The following UNC13C variants were observed in gnomAD, a reference collection of about 807,000 sequenced individuals.
UNC13C encodes the protein unc-13 homolog C.
UNC13C carries 174 observed loss-of-function variants against 245.4 expected under a neutral mutation model. That is an observed-to-expected ratio of 0.71 (90% CI 0.63 to 0.80). The LOEUF (loss-of-function observed/expected upper bound fraction) is 0.80. Among genes scored for constraint, UNC13C ranks in the 30% least tolerant of loss-of-function variants. The probability of loss-of-function intolerance (pLI) is 0.00; values close to 1 mark genes in which losing one functional copy is unlikely to be tolerated. For synonymous variants in UNC13C, 992 were observed against 895.1 expected (o/e 1.11, Z -1.93); for missense variants, 2,829 against 2,602.9 (o/e 1.09, Z -1.89).
At position 54,465,269 on chromosome 15, in the gene UNC13C, C is replaced by T. The variant is rs368133088; in HGVS notation, c.4934-29339C>T. Among the ~76,000 whole-genome samples, 7 of 152,010 alleles carry T rather than the reference C, an allele frequency of 4.6e-5. No homozygotes were observed. The East Asian group carries it at 1.3e-3, about 29-fold the overall frequency. On this transcript the variant is annotated intron_variant, in intron 19 of 32. Transcript: ENST00000260323. Reference sequence around the variant, plus strand: ...TACCCTAATACAGTCAATCGATCATCAAGAATACACCAGAAAATACTTAAA... The same window carrying T: ...TACCCTAATACAGTCAATCGATCATTAAGAATACACCAGAAAATACTTAAA...
chr15:53,901,641 T>A, the UNC13C span, among the ~76,000 whole-genome samples: 2 of 152,316 alleles, frequency 1.3e-5, no homozygotes, highest in East Asian at 3.9e-4. Context: ...AATTAACATT[T>A]TTGTATATAA....
At chr15:53,901,655 C>T in the UNC13C span, among the ~76,000 whole-genome samples, 4 of 152,122 alleles carry the variant, frequency 2.6e-5, no homozygotes, top group African/African-American at 9.7e-5. Flanking sequence ...TATATAAACT[C>T]TGTCTTTATT....
the UNC13C span, among the ~76,000 whole-genome samples, chr15:53,859,571 G>A: frequency 3.9e-5 from 6 of 152,156 alleles, no homozygotes; most frequent in African/African-American, 1.4e-4. Context: ...TAAAAGGAAG[G>A]TTGTAATCTT....
chr15:54,044,578 G>T lies in UNC13C; in HGVS notation c.2983+28692G>T, dbSNP rs1896950845. On this transcript the variant is annotated intron_variant, in intron 2 of 32. Coordinates refer to ENST00000260323, the MANE Select transcript of UNC13C (RefSeq NM_001080534.3). ...CAGGCGGGGTGGGGGGTGTGGGGGA[G>T]TTCCACTTTCTCCACATTCTCACCA... The T allele has an allele frequency of 2.4e-5, 4 of 169,366 alleles. No individual in the cohort carries two copies. In the Middle Eastern group the frequency reaches 2.0e-3, roughly 87 times the overall value. The allele number at this position is 169,366 out of a possible 1,614,324, so 10.5% of individuals were successfully genotyped here.
intron 24 of UNC13C, among the ~76,000 whole-genome samples, chr15:54,514,359 T>C (rs1279692152): frequency 1.3e-5 from 2 of 152,234 alleles, no homozygotes; most frequent in African/African-American, 4.8e-5. Context: ...GAACTGGTTG[T>C]AAAACCTTTC....
intron 19 of UNC13C, among the ~76,000 whole-genome samples, chr15:54,476,982 C>A (rs199889049): frequency 0.28 from 28,412 of 103,118 alleles, 3,249 homozygotes; most frequent in East Asian, 0.45. Flanking sequence ...CTTTTATTTC[C>A]TTGAGCAGTG....
Position 54,393,084 on chromosome 15 carries a change from C to A in UNC13C, c.4750C>A (p.Pro1584Thr). Residue 1584 changes from proline to threonine, a missense_variant, in exon 18 of 33, where the codon CCA becomes ACA. Coordinates refer to ENST00000260323, the MANE Select transcript of UNC13C (RefSeq NM_001080534.3). Reference sequence around the variant, plus strand: ...GGATATTCCTCGTGAAGATCAGGGACCAACCACCAAGAATTTGGATTTTTG... The same window carrying A: ...GGATATTCCTCGTGAAGATCAGGGAACAACCACCAAGAATTTGGATTTTTG... ...KQDIPREDQG[P>T]TTKNLDFWPQ... The A allele has an allele frequency of 6.2e-7, 1 of 1,609,674 alleles. No homozygotes were observed. The highest frequency in any genetic ancestry group is 8.5e-7 in the Non-Finnish European group (1 of 1,177,984).
the UNC13C span, among the ~76,000 whole-genome samples, chr15:53,920,805 A>G: frequency 6.6e-6 from 1 of 150,572 alleles, no homozygotes; most frequent in African/African-American, 2.5e-5. Flanking sequence ...AGGGTAGAAC[A>G]GTGACCAAAA....
At chr15:54,079,187 T>C (rs1480134490) in intron 2 of UNC13C, among the ~76,000 whole-genome samples, 2 of 152,056 alleles carry the variant, frequency 1.3e-5, no homozygotes, top group African/African-American at 4.8e-5. Flanking sequence ...TTTCTGTACT[T>C]GTACGATGTT....
At chr15:54,589,544 G>A (rs1047455985) in intron 30 of UNC13C, among the ~76,000 whole-genome samples, 2 of 151,886 alleles carry the variant, frequency 1.3e-5, no homozygotes, top group Non-Finnish European at 2.9e-5. Flanking sequence ...CAATCCACCT[G>A]CCTCAGCCTC....
chr15:54,155,221 T>G (rs557634425), intron 4 of UNC13C, among the ~76,000 whole-genome samples: 23 of 152,322 alleles, frequency 1.5e-4, no homozygotes, highest in African/African-American at 5.5e-4. Context: ...CTGGAGGCTC[T>G]TTGGCTATTC....
At chr15:54,442,363 C>T (rs1161342980) in intron 19 of UNC13C, among the ~76,000 whole-genome samples, 9 of 150,586 alleles carry the variant, frequency 6.0e-5, no homozygotes, top group African/African-American at 2.0e-4. Flanking sequence ...GCTGGGATTA[C>T]AGGCATCTGC....
chr15:53,916,910 T>G, the UNC13C span, among the ~76,000 whole-genome samples: 1 of 152,128 alleles, frequency 6.6e-6, no homozygotes, highest in Non-Finnish European at 1.5e-5. Context: ...CATCTTGGGT[T>G]TTTGAGGCAG....
chr15:54,571,944 G>A (rs961566673), intron 30 of UNC13C, among the ~76,000 whole-genome samples: 1 of 152,156 alleles, frequency 6.6e-6, no homozygotes, highest in Non-Finnish European at 1.5e-5. Flanking sequence ...TCAGAAGGCT[G>A]GCTTGACACA....
intron 19 of UNC13C, among the ~76,000 whole-genome samples, chr15:54,423,070 T>TTA (rs546854731): frequency 7.4e-4 from 112 of 151,868 alleles, no homozygotes; most frequent in Non-Finnish European, 1.4e-3. Flanking sequence ...TGTGTGTACA[T>TTA]TATATATATC....
At chr15:54,583,224 T>A (rs991295118) in intron 30 of UNC13C, among the ~76,000 whole-genome samples, 5 of 152,204 alleles carry the variant, frequency 3.3e-5, no homozygotes, top group Non-Finnish European at 5.9e-5. Flanking sequence ...ATAGGCAGTT[T>A]CTTTAGCAAT....
At chr15:54,481,428 A>G (rs1217808909) in intron 19 of UNC13C, among the ~76,000 whole-genome samples, 1 of 152,140 alleles carries the variant, frequency 6.6e-6, no homozygotes, top group Non-Finnish European at 1.5e-5. Flanking sequence ...CCTGGATGAC[A>G]TGCACATGCT....
chr15:54,380,161 T>G (rs560695412), intron 17 of UNC13C, among the ~76,000 whole-genome samples: 205 of 140,934 alleles, frequency 1.5e-3, no homozygotes, highest in African/African-American at 5.2e-3. Flanking sequence ...TAACCACCCC[T>G]GCCCCTGTTA....
At chr15:54,494,583 A>G (rs1893867134) in intron 19 of UNC13C, 25 bp from the exon 20 acceptor site, 1 of 1,539,572 alleles carries the variant, frequency 6.5e-7, no homozygotes. Flanking sequence ...AAGCTTTATT[A>G]AATATTTAAT....
Sources: gnomAD v4.1 joint callset for allele counts (sites outside exome capture counted in the v4.1 genomes callset) on GRCh38, gnomAD v4.1.1 for gene constraint, MANE v1.5 for transcripts, NCBI Gene and HGNC (gene_info 2026-07-23, HGNC 2026-07-21) for gene names.